DCDC1: variants seen among roughly 807,000 people sequenced by gnomAD.
DCDC1 encodes doublecortin domain containing 1.
In DCDC1, 200 loss-of-function variants were observed where a neutral mutation model predicts 178.3. The ratio of observed to expected loss-of-function variants is 1.12; its 90% confidence interval spans 1.00 to 1.26. DCDC1 has a LOEUF of 1.26. DCDC1 is among the 50% of genes most tolerant of loss of function. The pLI, the probability that DCDC1 is intolerant of heterozygous loss-of-function variation, is 0.00. For missense variants in DCDC1, 1,983 were observed against 1,749.2 expected, an observed-to-expected ratio of 1.13 and a Z score of -2.38; for synonymous variants, 690 against 604.8, an observed-to-expected ratio of 1.14 and a Z score of -2.07.
intron 21 of DCDC1, among the ~76,000 whole-genome samples, chr11:30,937,948 C>T (rs982496129): frequency 5.3e-5 from 8 of 152,088 alleles, no homozygotes; most frequent in Admixed American, 1.3e-4. Context: ...GCAGCCTGAT[C>T]CTAAACTCTC....
chr11:31,250,894 A>G (rs1286098873), intron 8 of DCDC1, among the ~76,000 whole-genome samples: 4 of 151,902 alleles, frequency 2.6e-5, no homozygotes, highest in Admixed American at 2.6e-4. Flanking sequence ...AGCTGGGATT[A>G]CAGGTGCGTG....
At chr11:31,353,557 G>C (rs763392163) in intron 1 of DCDC1, among the ~76,000 whole-genome samples, 1 of 152,216 alleles carries the variant, frequency 6.6e-6, no homozygotes, top group Non-Finnish European at 1.5e-5. Context: ...GTTCGTCAGA[G>C]TGCAGAAACA....
rs557504121 is a variant in DCDC1, at chr11:30,994,442, C to T, written c.2592-41874G>A. Among the ~76,000 whole-genome samples, 214 of 151,426 alleles carry T rather than the reference C, an allele frequency of 1.4e-3. 3 individuals carry two copies. The highest frequency in any genetic ancestry group is 4.1e-3 in the African/African-American group (169 of 41,262). ...AAGTAGTTGAAACTACAGGTACCCA[C>T]GACCATGCCAGGCTAACTTTTGTAT... On this transcript the variant is annotated intron_variant, in intron 20 of 38. Coordinates refer to ENST00000684477, the MANE Select transcript of DCDC1 (RefSeq NM_001387274.1).
At chr11:31,289,711 T>C (rs191941313) in intron 7 of DCDC1, among the ~76,000 whole-genome samples, 3 of 152,152 alleles carry the variant, frequency 2.0e-5, no homozygotes, top group East Asian at 1.9e-4. Context: ...ATGAGAACTT[T>C]CTGGGTGCCA....
At chr11:31,102,434 A>C (rs902525259) in intron 14 of DCDC1, among the ~76,000 whole-genome samples, 152 bp from the exon 15 acceptor site, 2 of 152,232 alleles carry the variant, frequency 1.3e-5, no homozygotes, top group African/African-American at 4.8e-5. Flanking sequence ...AAGTACCAGC[A>C]GTCATTGGGG....
intron 8 of DCDC1, among the ~76,000 whole-genome samples, chr11:31,262,433 A>G (rs1366881895): frequency 6.6e-6 from 1 of 152,200 alleles, no homozygotes; most frequent in Non-Finnish European, 1.5e-5. Flanking sequence ...TTAAAAGTAT[A>G]TCTAATTCCA....
intron 34 of DCDC1, among the ~76,000 whole-genome samples, chr11:30,898,169 G>GA: frequency 6.6e-6 from 1 of 152,320 alleles, no homozygotes; most frequent in South Asian, 2.1e-4. Context: ...GGGCCACGCT[G>GA]AGGAGTTTCA....
At chr11:31,046,278 CTCAAGAG>C (rs1954833860) in intron 20 of DCDC1, among the ~76,000 whole-genome samples, 1 of 152,068 alleles carries the variant, frequency 6.6e-6, no homozygotes, top group Non-Finnish European at 1.5e-5. Flanking sequence ...TGTTGTGTGT[CTCAAGAG>C]TTTATTCCTT....
intron 20 of DCDC1, among the ~76,000 whole-genome samples, chr11:31,046,829 C>T (rs963936915): frequency 2.0e-5 from 3 of 152,046 alleles, no homozygotes; most frequent in Non-Finnish European, 2.9e-5. Flanking sequence ...CTCAAACTGG[C>T]AGAACTGGAC....
At chr11:31,062,866 T>C (rs1240562109) in intron 20 of DCDC1, among the ~76,000 whole-genome samples, 1 of 151,558 alleles carries the variant, frequency 6.6e-6, no homozygotes, top group Non-Finnish European at 1.5e-5. Context: ...TACATATGTA[T>C]ACATGTGCCA....
chr11:31,238,950 G>A (rs1976780400), intron 9 of DCDC1, among the ~76,000 whole-genome samples: 1 of 151,994 alleles, frequency 6.6e-6, no homozygotes, highest in Admixed American at 6.6e-5. Flanking sequence ...GAGTAAGTTT[G>A]TAAACATAAA....
chr11:31,089,169 T>C (rs557030105), intron 17 of DCDC1, among the ~76,000 whole-genome samples: 1 of 152,314 alleles, frequency 6.6e-6, no homozygotes, highest in South Asian at 2.1e-4. Context: ...TATATTGCCT[T>C]AATTTTTGAA....
At chr11:31,273,398 CTCAATT>C (rs956104505) in intron 7 of DCDC1, among the ~76,000 whole-genome samples, 4 of 152,176 alleles carry the variant, frequency 2.6e-5, no homozygotes, top group Non-Finnish European at 4.4e-5. Flanking sequence ...AATCATCTCT[CTCAATT>C]TCAAAGTTCC....
rs140542391 is a variant in DCDC1, at chr11:30,987,522, T to G, written c.2592-34954A>C. ...AAAATAGCATCATCCAGAGTTAAAA[T>G]AAGTCAACATGATAGAGATGGACTG... On this transcript the variant is annotated intron_variant, in intron 20 of 38. Coordinates refer to ENST00000684477, the MANE Select transcript of DCDC1 (RefSeq NM_001387274.1). Among the ~76,000 whole-genome samples the G allele has an allele frequency of 1.8e-4, 28 of 152,268 alleles. No homozygotes were observed. The South Asian group carries it at 4.1e-3, about 23-fold the overall frequency.
At chr11:30,945,406 AAT>A (rs1227501899) in intron 21 of DCDC1, among the ~76,000 whole-genome samples, 1 of 152,066 alleles carries the variant, frequency 6.6e-6, no homozygotes, top group East Asian at 1.9e-4. Flanking sequence ...ATATATGCAC[AAT>A]ATTGGCCAGG....
chr11:31,290,548 A>G, intron 7 of DCDC1, 99 bp downstream of exon 7: 2 of 1,253,492 alleles, frequency 1.6e-6, no homozygotes, highest in Non-Finnish European at 2.2e-6. Flanking sequence ...TAATATTTCT[A>G]TTTGTTGGCA....
At chr11:30,888,154 G>GAA (rs755757182) in intron 36 of DCDC1, among the ~76,000 whole-genome samples, 1 of 136,874 alleles carries the variant, frequency 7.3e-6, no homozygotes, top group Admixed American at 7.1e-5. Flanking sequence ...AAGAAAGAAA[G>GAA]AAAGAAAGGG....
intron 9 of DCDC1, among the ~76,000 whole-genome samples, chr11:31,222,453 C>T (rs1413919298): frequency 1.3e-5 from 2 of 152,216 alleles, no homozygotes; most frequent in Non-Finnish European, 2.9e-5. Flanking sequence ...CACCTCAAAA[C>T]TCTTCCAGTC....
chr11:30,898,505 A>T (rs886605202), intron 34 of DCDC1, among the ~76,000 whole-genome samples: 3 of 152,228 alleles, frequency 2.0e-5, no homozygotes, highest in Non-Finnish European at 4.4e-5. Flanking sequence ...GGAGATGCCA[A>T]GAATGACTTC....
Sources: gnomAD v4.1 joint callset for allele counts (sites outside exome capture counted in the v4.1 genomes callset) on GRCh38, gnomAD v4.1.1 for gene constraint, MANE v1.5 for transcripts, NCBI Gene and HGNC (gene_info 2026-07-23, HGNC 2026-07-21) for gene names.